TRIP12: variants seen among roughly 807,000 people sequenced by gnomAD.
The protein encoded by TRIP12 is thyroid hormone receptor interactor 12.
Under a neutral mutation model 244.2 loss-of-function variants are expected in TRIP12, and 25 were observed. That is an observed-to-expected ratio of 0.10 (90% CI 0.07 to 0.14). The LOEUF is 0.14. Ranked by LOEUF, TRIP12 falls within the 10% of genes least tolerant of loss-of-function variation. The pLI, the probability that TRIP12 is intolerant of heterozygous loss-of-function variation, is 1.00. For missense variants in TRIP12, 1,677 were observed against 2,486.4 expected (o/e 0.67, Z 6.92); for synonymous variants, 905 against 873.1 (o/e 1.04, Z -0.64).
chr2:229,793,294 C>A, intron 26 of TRIP12, 149 bp from the exon 27 acceptor site: 2 of 751,110 alleles, frequency 2.7e-6, no homozygotes, highest in Non-Finnish European at 3.9e-6. Context: ...ATGGTAAAGC[C>A]AATAATTCAA....
intron 1 of TRIP12, among the ~76,000 whole-genome samples, chr2:229,920,686 T>A (rs1436020021): frequency 6.6e-6 from 1 of 152,128 alleles, no homozygotes; most frequent in Non-Finnish European, 1.5e-5. Flanking sequence ...TTCCCTCCTG[T>A]CCCCCACCAG....
In TRIP12 at chr2:229,778,604, G is replaced by A; in HGVS notation, c.5210-17C>T. 3 of 1,602,104 alleles carry A rather than the reference G, an allele frequency of 1.9e-6. No individual in the cohort carries two copies. Among genetic ancestry groups the A allele is most frequent in the Non-Finnish European group, 2.6e-6 (3 of 1,174,188 alleles). ...CTTGGCTCCCTGAAAAACAAGCAAT[G>A]CAGCAAACTTCAGATGATGTTTCCA... On this transcript the variant is annotated splice_polypyrimidine_tract_variant and intron_variant, in intron 35 of 41. Transcript: ENST00000675903. The surrounding 1 kb of genome is among the most constrained non-coding windows in gnomAD (Gnocchi z 4.1).
In TRIP12 at chr2:229,765,944, A is replaced by T. The variant is rs1428496596; in HGVS notation, c.*1610T>A. On this transcript the variant is annotated 3_prime_UTR_variant, in exon 42 of 42. Transcript: ENST00000675903. ...GTCACTGCCCAAGTGAACTCTCAGG[A>T]GGGGACATTTCCATATAAGGCCATT... 1 of 152,180 alleles carries T rather than the reference A, an allele frequency of 6.6e-6. No homozygotes were observed. The highest frequency in any genetic ancestry group is 1.5e-5 in the Non-Finnish European group (1 of 68,028). The allele number at this position is 152,180 out of a possible 1,614,324, so 9.4% of individuals were successfully genotyped here.
intron 4 of TRIP12, among the ~76,000 whole-genome samples, chr2:229,857,472 T>C (rs768533460): frequency 1.6e-4 from 25 of 151,850 alleles, no homozygotes; most frequent in Non-Finnish European, 3.4e-4. Context: ...CTACTAAAAA[T>C]ACAAAAATTA....
At chr2:229,885,278 T>G (rs1293217280) in intron 1 of TRIP12, among the ~76,000 whole-genome samples, 1 of 152,200 alleles carries the variant, frequency 6.6e-6, no homozygotes, top group Admixed American at 6.5e-5. Flanking sequence ...CCAAAAAGGC[T>G]TGGTTTAGCT....
intron 39 of TRIP12, among the ~76,000 whole-genome samples, chr2:229,771,119 AT>A (rs2034144684): frequency 6.6e-6 from 1 of 152,234 alleles, no homozygotes; most frequent in African/African-American, 2.4e-5. Context: ...ACTAACTTTG[AT>A]TGTGAAACAA....
At chr2:229,835,744 TA>T (rs2054647151) in intron 6 of TRIP12, among the ~76,000 whole-genome samples, 1 of 152,220 alleles carries the variant, frequency 6.6e-6, no homozygotes, top group Non-Finnish European at 1.5e-5. Context: ...CCTTTTCTGT[TA>T]CCCATTTGGG....
At chr2:229,800,879 CAG>C (rs1393145558) in intron 21 of TRIP12, among the ~76,000 whole-genome samples, 1 of 151,384 alleles carries the variant, frequency 6.6e-6, no homozygotes, top group Non-Finnish European at 1.5e-5. Flanking sequence ...GCCTGAGAAA[CAG>C]AGCAAGACCC....
intron 4 of TRIP12, among the ~76,000 whole-genome samples, chr2:229,851,704 C>A (rs1050526452): frequency 1.3e-5 from 2 of 152,136 alleles, no homozygotes; most frequent in Non-Finnish European, 2.9e-5. Flanking sequence ...ATGAGCCCAC[C>A]GGGAGGAAGG....
At chr2:229,770,869 T>A (rs1343476701) in intron 39 of TRIP12, among the ~76,000 whole-genome samples, 1 of 152,220 alleles carries the variant, frequency 6.6e-6, no homozygotes, top group Non-Finnish European at 1.5e-5. Flanking sequence ...ATGTGAGATG[T>A]GCCTTTCACC....
At chr2:229,831,915 T>C (rs1183657308) in intron 6 of TRIP12, among the ~76,000 whole-genome samples, 3 of 149,462 alleles carry the variant, frequency 2.0e-5, no homozygotes, top group Non-Finnish European at 4.4e-5. Flanking sequence ...CACAGATGAT[T>C]GATCTACATA....
intron 2 of TRIP12, among the ~76,000 whole-genome samples, chr2:229,860,766 T>TA (rs1347768167): frequency 6.6e-6 from 1 of 152,090 alleles, no homozygotes; most frequent in Non-Finnish European, 1.5e-5. Context: ...TTATCACCAG[T>TA]AGTCATAATT....
intron 1 of TRIP12, among the ~76,000 whole-genome samples, chr2:229,899,119 C>T (rs1418832496): frequency 6.6e-6 from 1 of 152,050 alleles, no homozygotes; most frequent in African/African-American, 2.4e-5. Flanking sequence ...TAAACAAAAC[C>T]ACAGCCATCA....
intron 5 of TRIP12, 32 bp downstream of exon 5, chr2:229,840,790 G>T: frequency 7.3e-7 from 1 of 1,369,500 alleles, no homozygotes; most frequent in South Asian, 1.3e-5. Context: ...GAATAAAAAT[G>T]AACTCACTAT....
At chr2:229,823,684 A>AAAC (rs1339897902) in intron 8 of TRIP12, among the ~76,000 whole-genome samples, 7 of 151,706 alleles carry the variant, frequency 4.6e-5, no homozygotes, top group African/African-American at 9.6e-5. Context: ...CAAAAAAAAA[A>AAAC]AACAACAACA....
At chr2:229,855,839 C>T (rs537128427) in intron 4 of TRIP12, among the ~76,000 whole-genome samples, 2 of 151,932 alleles carry the variant, frequency 1.3e-5, no homozygotes, top group South Asian at 4.2e-4. Context: ...GTCGGGAGTT[C>T]GAGACCAGCC....
chr2:229,802,233 CA>C lies in TRIP12; in HGVS notation c.3206+18del. 1.9e-6 allele frequency: 3 copies of C among 1,561,570 alleles called. No individual in the cohort carries two copies. Among genetic ancestry groups the C allele is most frequent in the Non-Finnish European group, 2.6e-6 (3 of 1,147,070 alleles). ...GCTAACAGCAAAGAAATAAAAATCACAACACAATTCTTACTTACCCTTGAGG... is the reference window on the plus strand; with the variant it reads ...GCTAACAGCAAAGAAATAAAAATCACACACAATTCTTACTTACCCTTGAGG... On this transcript the variant is annotated intron_variant, in intron 21 of 41. Coordinates refer to ENST00000675903, the MANE Select transcript of TRIP12 (RefSeq NM_001348323.3).
chr2:229,828,102 G>A (rs547791318), intron 8 of TRIP12, among the ~76,000 whole-genome samples: 2 of 152,292 alleles, frequency 1.3e-5, no homozygotes, highest in South Asian at 2.1e-4. Flanking sequence ...TGTATATAAT[G>A]CCTGGGATTC....
chr2:229,883,390 A>G (rs2065268751), intron 1 of TRIP12, among the ~76,000 whole-genome samples: 1 of 152,206 alleles, frequency 6.6e-6, no homozygotes, highest in Non-Finnish European at 1.5e-5. Context: ...TATGTCTACC[A>G]TATATTACTT....
Sources: allele counts gnomAD v4.1 joint callset (sites outside exome capture counted in the v4.1 genomes callset), GRCh38; gene constraint gnomAD v4.1.1; non-coding constraint Gnocchi (gnomAD v3.1); transcripts MANE v1.5; gene names NCBI Gene and HGNC (gene_info 2026-07-23, HGNC 2026-07-21).